Variants in SAMD8 observed in about 807,000 individuals in gnomAD.
SAMD8 encodes sterile alpha motif domain containing 8.
A neutral mutation model predicts 42.0 loss-of-function variants in SAMD8; 20 were observed. The observed-to-expected ratio is 0.48, with a 90% confidence interval of 0.34 to 0.69. The LOEUF is 0.69. Ranked by LOEUF, SAMD8 falls within the 30% of genes least tolerant of loss-of-function variation. The pLI, the probability that SAMD8 is intolerant of heterozygous loss-of-function variation, is 0.01. For missense variants in SAMD8, 328 were observed against 511.6 expected, an observed-to-expected ratio of 0.64 and a Z score of 3.46; for synonymous variants, 162 against 173.0, an observed-to-expected ratio of 0.94 and a Z score of 0.50.
In SAMD8 at chr10:75,151,099, T is replaced by C. The variant is rs754697239; in HGVS notation, c.571T>C (p.Leu191=). The C allele has an allele frequency of 6.7e-7, 1 of 1,485,950 alleles. No homozygotes were observed. Among genetic ancestry groups the C allele is most frequent in the Non-Finnish European group, 8.9e-7 (1 of 1,117,340 alleles). 92.0% of individuals were successfully genotyped at this position (1,485,950 alleles called of 1,614,324 possible). The stretch of plus-strand genomic sequence containing the variant: ...CTATCCACCACTCCCAGATATATTC[T>C]TAGACAGGTAAGTTTTGTTTCTAGT... ...QTYPPLPDIF[L]DSVPRIPWAF... Residue 191 remains leucine, a synonymous_variant, in exon 2 of 6, where the codon TTA becomes CTA. Transcript: ENST00000542569.
intron 1 of SAMD8, among the ~76,000 whole-genome samples, chr10:75,123,971 G>A (rs1238036702): frequency 2.6e-5 from 4 of 152,026 alleles, no homozygotes; most frequent in East Asian, 3.9e-4. Flanking sequence ...CCAGCGATCC[G>A]CCTGCCTCAG....
intron 1 of SAMD8, among the ~76,000 whole-genome samples, chr10:75,119,741 G>A (rs759260770): frequency 3.2e-4 from 48 of 152,182 alleles, no homozygotes; most frequent in Non-Finnish European, 6.0e-4. Flanking sequence ...ATATTGTAAA[G>A]GTTTCATTTT....
intron 2 of SAMD8, among the ~76,000 whole-genome samples, chr10:75,156,441 A>G (rs1465360531): frequency 1.3e-5 from 2 of 152,114 alleles, no homozygotes; most frequent in Non-Finnish European, 2.9e-5. Context: ...ACTGAGGGGG[A>G]GCTTATTCAC....
intron 2 of SAMD8, among the ~76,000 whole-genome samples, chr10:75,154,249 C>T (rs546287173): frequency 1.5e-4 from 23 of 152,152 alleles, no homozygotes; most frequent in Middle Eastern, 3.4e-3. Flanking sequence ...AGAACCAACC[C>T]CGTTTATATT....
At position 75,164,699 on chromosome 10, in the gene SAMD8, G is replaced by A; in HGVS notation, c.633G>A (p.Leu211=). The change falls in exon 3 of 6, where the codon CTG becomes CTA. Residue 211 remains leucine, a synonymous_variant. Coordinates refer to ENST00000542569, the MANE Select transcript of SAMD8 (RefSeq NM_001174156.2). ...TGACGGAAGTATGTGGCATGATTCT[G>A]TGCTATATTTGGCTCCTGGTTCTTC... ...FAMTEVCGMI[L]CYIWLLVLLL... 1.2e-6 allele frequency: 2 copies of A among 1,614,110 alleles called. No homozygotes were observed. Among genetic ancestry groups the A allele is most frequent in the East Asian group, 2.2e-5 (1 of 44,874 alleles).
intron 1 of SAMD8, among the ~76,000 whole-genome samples, chr10:75,114,904 G>C (rs1249746969): frequency 2.0e-5 from 3 of 152,068 alleles, no homozygotes; most frequent in Non-Finnish European, 2.9e-5. Flanking sequence ...ATTTATACGA[G>C]ATATGAATAC....
chr10:75,175,863 T>G (rs1840979820), intron 4 of SAMD8: 1 of 985,200 alleles, frequency 1.0e-6, no homozygotes, highest in Non-Finnish European at 1.2e-6. Flanking sequence ...TTCATTTAAT[T>G]ACCAAAATAT....
chr10:75,121,282 G>GTTACTCAAT (rs1199901366), intron 1 of SAMD8, among the ~76,000 whole-genome samples: 1 of 152,152 alleles, frequency 6.6e-6, no homozygotes, highest in Admixed American at 6.5e-5. Flanking sequence ...TTTGAACCTA[G>GTTACTCAAT]GCAGTTTAAT....
chr10:75,180,740 C>T lies in SAMD8; in HGVS notation c.*4048C>T, dbSNP rs1257003030. ...GCCTGTGTGTTTTTACTAAGAATTC[C>T]AGAAATCCTGTAATTTGTAAATGGG... On this transcript the variant is annotated 3_prime_UTR_variant, in exon 6 of 6. Coordinates refer to ENST00000542569, the MANE Select transcript of SAMD8 (RefSeq NM_001174156.2). 1 of 152,100 alleles carries T rather than the reference C, an allele frequency of 6.6e-6. No homozygotes were observed. The highest frequency in any genetic ancestry group is 1.5e-5 in the Non-Finnish European group (1 of 68,034). 9.4% of individuals were successfully genotyped at this position (152,100 alleles called of 1,614,324 possible). A position where few individuals can be genotyped will look rare whatever the true frequency, so the allele number is the denominator to read the frequency against.
At chr10:75,175,121 TAAA>T in intron 4 of SAMD8, among the ~76,000 whole-genome samples, 1 of 152,254 alleles carries the variant, frequency 6.6e-6, no homozygotes, top group South Asian at 2.1e-4. Context: ...AAAGGAAAGG[TAAA>T]AAGTTAGAAA....
chr10:75,174,330 C>T (rs1055614152), intron 4 of SAMD8, among the ~76,000 whole-genome samples: 7 of 151,826 alleles, frequency 4.6e-5, no homozygotes, highest in African/African-American at 1.7e-4. Flanking sequence ...GGGGTTTCAC[C>T]GTGTTAGCCA....
chr10:75,180,308 T>C lies in SAMD8; in HGVS notation c.*3616T>C, dbSNP rs1841058319. On this transcript the variant is annotated 3_prime_UTR_variant, in exon 6 of 6. Transcript: ENST00000542569. ...AGTTAAATAATGCGGACTATGCCTATAATCCCAGCACTTTAGGAGGCTGAG... is the reference window on the plus strand; with the variant it reads ...AGTTAAATAATGCGGACTATGCCTACAATCCCAGCACTTTAGGAGGCTGAG... The C allele has an allele frequency of 1.3e-5, 2 of 152,252 alleles. No individual in the cohort carries two copies. Among genetic ancestry groups the C allele is most frequent in the African/African-American group, 2.4e-5 (1 of 41,470 alleles). The allele number at this position is 152,252 out of a possible 1,614,324, so 9.4% of individuals were successfully genotyped here.
chr10:75,149,129 A>G (rs1195725095), intron 1 of SAMD8, among the ~76,000 whole-genome samples: 1 of 152,190 alleles, frequency 6.6e-6, no homozygotes, highest in Non-Finnish European at 1.5e-5. Flanking sequence ...AGAGGTCTGG[A>G]AAGTGTCAGA....
At chr10:75,150,315 C>A in intron 1 of SAMD8, 199 bp from the exon 2 acceptor site, 23 of 197,714 alleles carry the variant, frequency 1.2e-4, no homozygotes, top group Non-Finnish European at 1.8e-4. Flanking sequence ...GAGATAGGAT[C>A]TTGCTACGTG....
At chr10:75,117,348 G>T (rs1056783752) in intron 1 of SAMD8, among the ~76,000 whole-genome samples, 1 of 151,844 alleles carries the variant, frequency 6.6e-6, no homozygotes, top group Non-Finnish European at 1.5e-5. Context: ...CCTGAGCCCA[G>T]GAGGTCAAAG....
At chr10:75,136,301 A>G (rs1839884711) in intron 1 of SAMD8, among the ~76,000 whole-genome samples, 1 of 152,226 alleles carries the variant, frequency 6.6e-6, no homozygotes, top group Non-Finnish European at 1.5e-5. Flanking sequence ...AGAAAAAATA[A>G]TTGAATAGCT....
rs747673806 is a variant in SAMD8, at chr10:75,151,113, T to A, written c.578+7T>A. 4.1e-6 allele frequency: 6 copies of A among 1,453,834 alleles called. No individual in the cohort carries two copies. The Admixed American group carries it at 1.5e-4, about 37-fold the overall frequency. The allele number at this position is 1,453,834 out of a possible 1,614,324, so 90.1% of individuals were successfully genotyped here. ...CAGATATATTCTTAGACAGGTAAGT[T>A]TTGTTTCTAGTTGCTAAGTTTGTAG... On this transcript the variant is annotated splice_region_variant and intron_variant, in intron 2 of 5. Transcript: ENST00000542569.
intron 3 of SAMD8, among the ~76,000 whole-genome samples, chr10:75,165,219 G>A (rs1440575949): frequency 7.2e-5 from 11 of 152,140 alleles, no homozygotes; most frequent in Non-Finnish European, 1.5e-4. Context: ...GGACCCCAGG[G>A]TCGGACATTG....
intron 2 of SAMD8, among the ~76,000 whole-genome samples, chr10:75,162,184 C>T (rs543071029): frequency 6.4e-4 from 97 of 152,102 alleles, no homozygotes; most frequent in African/African-American, 2.2e-3. Context: ...CATTGTGAAA[C>T]GCTTTCTCTA....
Sources: allele counts gnomAD v4.1 joint callset (sites outside exome capture counted in the v4.1 genomes callset), GRCh38; gene constraint gnomAD v4.1.1; transcripts MANE v1.5; gene names NCBI Gene and HGNC (gene_info 2026-07-23, HGNC 2026-07-21).